The following ARID5B variants were observed in gnomAD, a reference collection of about 807,000 sequenced individuals.
ARID5B encodes AT-rich interactive domain-containing protein 5B.
ARID5B carries 13 observed loss-of-function variants against 97.2 expected under a neutral mutation model. The observed-to-expected ratio is 0.13, with a 90% CI of 0.09 to 0.21. The LOEUF is 0.21. Ranked by LOEUF, ARID5B falls within the 10% of genes least tolerant of loss-of-function variation. The probability of loss-of-function intolerance (pLI) is 1.00; values close to 1 mark genes in which losing one functional copy is unlikely to be tolerated. For missense variants in ARID5B, 1,210 were observed against 1,465.3 expected (o/e 0.83, Z 2.84); for synonymous variants, 556 against 570.3 (o/e 0.97, Z 0.36).
At chr10:62,056,680 C>A (rs1839860522) in intron 5 of ARID5B, among the ~76,000 whole-genome samples, 1 of 152,102 alleles carries the variant, frequency 6.6e-6, no homozygotes, top group South Asian at 2.1e-4. Flanking sequence ...AATGTTTCTA[C>A]CAGATGCAAA....
intron 4 of ARID5B, among the ~76,000 whole-genome samples, chr10:62,020,741 C>T (rs552802657): frequency 1.3e-5 from 2 of 151,976 alleles, no homozygotes; most frequent in African/African-American, 2.4e-5. Context: ...CACAAGCCAA[C>T]GCCAGAGAAG....
chr10:62,079,951 A>G (rs1202525508), intron 8 of ARID5B, among the ~76,000 whole-genome samples: 1 of 152,186 alleles, frequency 6.6e-6, no homozygotes, highest in Non-Finnish European at 1.5e-5. Context: ...TAGGTGTCTT[A>G]GCATAGAATA....
chr10:61,965,028 C>G (rs76804656), intron 3 of ARID5B, among the ~76,000 whole-genome samples: 21 of 152,002 alleles, frequency 1.4e-4, no homozygotes, highest in African/African-American at 5.1e-4. Flanking sequence ...GCTTTGGGGC[C>G]GGAAATCATT....
chr10:62,040,324 G>T (rs1438835106), intron 4 of ARID5B, among the ~76,000 whole-genome samples: 8 of 140,732 alleles, frequency 5.7e-5, no homozygotes, highest in South Asian at 4.8e-4. Flanking sequence ...AAAATTTTTA[G>T]ATACTATTAT....
chr10:61,993,321 T>C (rs1166097541), intron 3 of ARID5B, among the ~76,000 whole-genome samples: 1 of 152,190 alleles, frequency 6.6e-6, no homozygotes, highest in Non-Finnish European at 1.5e-5. Flanking sequence ...AACCACGAAT[T>C]GATAAAGTTG....
chr10:61,925,447 TA>T lies in ARID5B; in HGVS notation c.277-14726del, dbSNP rs969655412. Among the ~76,000 whole-genome samples, 35 of 149,022 alleles carry T rather than the reference TA, an allele frequency of 2.3e-4. 1 individual carries two copies. The highest frequency in any genetic ancestry group is 1.3e-3 in the South Asian group (6 of 4,682). On this transcript the variant is annotated intron_variant, in intron 2 of 9. Coordinates refer to ENST00000279873, the MANE Select transcript of ARID5B (RefSeq NM_032199.3). ...TTTATTATGGCAACCTGAAAGGAGT[TA>T]AAAAAAAAATAGACCATGGAGTTTA... is the stretch of plus-strand genomic sequence containing the variant.
intron 2 of ARID5B, among the ~76,000 whole-genome samples, chr10:61,921,268 G>T (rs1478439265): frequency 6.6e-6 from 1 of 152,180 alleles, no homozygotes; most frequent in Non-Finnish European, 1.5e-5. Flanking sequence ...TCTGAGTAAG[G>T]CTTAGCTGGG....
chr10:61,951,656 G>T (rs770388633), intron 3 of ARID5B, among the ~76,000 whole-genome samples: 1 of 152,002 alleles, frequency 6.6e-6, no homozygotes, highest in South Asian at 2.1e-4. Flanking sequence ...GAAAATATAG[G>T]CACTACTGAC....
chr10:61,955,738 G>T (rs1838383258), intron 3 of ARID5B, among the ~76,000 whole-genome samples: 3 of 152,036 alleles, frequency 2.0e-5, no homozygotes, highest in Admixed American at 6.6e-5. Flanking sequence ...GCAACCTCCG[G>T]CTCCTGGGTT....
chr10:62,076,282 A>G (rs1269869215), intron 8 of ARID5B, among the ~76,000 whole-genome samples: 1 of 152,184 alleles, frequency 6.6e-6, no homozygotes, highest in East Asian at 1.9e-4. Context: ...GCTCACGCCT[A>G]TAATCCCAGC....
rs1380629705 is a variant in ARID5B at position 62,045,768 on chromosome 10, A to C, written c.734-5120A>C. Among the ~76,000 whole-genome samples, 7 of 152,200 alleles carry C rather than the reference A, an allele frequency of 4.6e-5. 1 individual carries two copies. Among genetic ancestry groups the C allele is most frequent in the Admixed American group, 3.3e-4 (5 of 15,282 alleles). On this transcript the variant is annotated intron_variant, in intron 4 of 9. Coordinates refer to ENST00000279873, the MANE Select transcript of ARID5B (RefSeq NM_032199.3). ...GAAAAGAAAATGTGCCAGAGAATTG[A>C]TATCCTCAGAGGAAAAGCATTACAG...
chr10:61,902,128 A>G (rs1252224338), intron 1 of ARID5B, 31 bp from the exon 2 acceptor site: 3 of 1,610,002 alleles, frequency 1.9e-6, no homozygotes, highest in Non-Finnish European at 2.5e-6. Context: ...TGGCTACATT[A>G]TTTATTTGGT....
At chr10:61,924,293 G>A (rs1185099532) in intron 2 of ARID5B, among the ~76,000 whole-genome samples, 3 of 152,200 alleles carry the variant, frequency 2.0e-5, no homozygotes, top group Admixed American at 6.5e-5. Flanking sequence ...CGTTGAACAG[G>A]AGTAGAAAAA....
chr10:61,972,651 A>G (rs1000285131), intron 3 of ARID5B, among the ~76,000 whole-genome samples: 1 of 152,152 alleles, frequency 6.6e-6, no homozygotes, highest in African/African-American at 2.4e-5. Context: ...TTATCTGACT[A>G]TCCCCCTATT....
At chr10:61,952,726 A>T (rs927760958) in intron 3 of ARID5B, among the ~76,000 whole-genome samples, 1 of 152,164 alleles carries the variant, frequency 6.6e-6, no homozygotes, top group African/African-American at 2.4e-5. Context: ...TTTGCTAACT[A>T]TTCTTGGTCT....
At chr10:62,075,018 T>G (rs1840109243) in intron 8 of ARID5B, among the ~76,000 whole-genome samples, 1 of 152,232 alleles carries the variant, frequency 6.6e-6, no homozygotes, top group Non-Finnish European at 1.5e-5. Flanking sequence ...TCAGTCAGCA[T>G]CAGATGGGAA....
chr10:62,027,949 T>C (rs1839443410), intron 4 of ARID5B, among the ~76,000 whole-genome samples: 1 of 152,104 alleles, frequency 6.6e-6, no homozygotes, highest in African/African-American at 2.4e-5. Context: ...TGCCAAAACC[T>C]CAGCTTTATG....
intron 2 of ARID5B, among the ~76,000 whole-genome samples, chr10:61,927,035 C>A (rs1294952750): frequency 2.0e-5 from 3 of 152,172 alleles, no homozygotes; most frequent in African/African-American, 7.2e-5. Context: ...TCTGGTCCAA[C>A]CTTCCCTTGG....
chr10:62,067,292 A>G (rs944919408), intron 7 of ARID5B, among the ~76,000 whole-genome samples: 1 of 152,200 alleles, frequency 6.6e-6, no homozygotes, highest in Non-Finnish European at 1.5e-5. Flanking sequence ...CATGTTGGTC[A>G]GGCTGGTCTT....
Sources: gnomAD v4.1 joint callset for allele counts (sites outside exome capture counted in the v4.1 genomes callset) on GRCh38, gnomAD v4.1.1 for gene constraint, MANE v1.5 for transcripts, NCBI Gene and HGNC (gene_info 2026-07-23, HGNC 2026-07-21) for gene names.